Variants in CNTNAP4 observed in about 807,000 individuals in gnomAD.
The protein encoded by CNTNAP4 is contactin associated protein family member 4.
In CNTNAP4, 98 loss-of-function variants were observed where a neutral mutation model predicts 148.4. That is an observed-to-expected ratio of 0.66 (90% CI 0.56 to 0.78). CNTNAP4 has a LOEUF of 0.78. CNTNAP4 is among the 30% of genes least tolerant of loss of function. CNTNAP4 has a pLI of 0.00. For synonymous variants in CNTNAP4, 730 were observed against 565.1 expected (o/e 1.29, Z -4.14); for missense variants, 1,935 against 1,565.6 (o/e 1.24, Z -3.98).
chr16:76,404,101 G>A (rs867817577), intron 3 of CNTNAP4, among the ~76,000 whole-genome samples: 1 of 151,966 alleles, frequency 6.6e-6, no homozygotes, highest in Non-Finnish European at 1.5e-5. Flanking sequence ...GGTACCAGGC[G>A]TAATACGTGG....
chr16:76,477,646 A>T (rs1340651118), intron 11 of CNTNAP4, among the ~76,000 whole-genome samples: 1 of 152,132 alleles, frequency 6.6e-6, no homozygotes, highest in East Asian at 1.9e-4. Context: ...TAAGATTTTT[A>T]TGAAGAATAT....
rs1318388428 is a variant in CNTNAP4 at position 76,397,984 on chromosome 16, A to G, written c.391-29468A>G. 2.2e-4 allele frequency among the ~76,000 whole-genome samples: 15 copies of G among 68,728 alleles called. 2 individuals carry two copies. Among genetic ancestry groups the G allele is most frequent in the East Asian group, 9.2e-4 (2 of 2,176 alleles). The allele number at this position is 68,728 out of a possible 152,430, so 45.1% of individuals were successfully genotyped here. On this transcript the variant is annotated intron_variant, in intron 3 of 23. Transcript: ENST00000611870. ...TATATATATATATATATATATATAT[A>G]TATATATATATATATATGGAGTTTA...
At chr16:76,358,617 G>T (rs1567841231) in intron 3 of CNTNAP4, among the ~76,000 whole-genome samples, 1 of 152,186 alleles carries the variant, frequency 6.6e-6, no homozygotes, top group African/African-American at 2.4e-5. Context: ...GATATCCAGA[G>T]TTATGGTTTC....
intron 21 of CNTNAP4, among the ~76,000 whole-genome samples, chr16:76,548,949 T>G (rs9928928): frequency 6.6e-6 from 1 of 152,004 alleles, no homozygotes; most frequent in Admixed American, 6.5e-5. Flanking sequence ...AGCTGCTAAT[T>G]TTGTTTGGAC....
intron 7 of CNTNAP4, among the ~76,000 whole-genome samples, chr16:76,451,027 G>C (rs985512785): frequency 3.9e-5 from 6 of 152,186 alleles, no homozygotes; most frequent in African/African-American, 1.4e-4. Flanking sequence ...TGTTGCCTGT[G>C]GGTAGCCACC....
At chr16:76,541,446 A>G (rs58602732) in intron 21 of CNTNAP4, among the ~76,000 whole-genome samples, 5,668 of 152,262 alleles carry the variant, frequency 0.037, 321 homozygotes, top group African/African-American at 0.12. Context: ...ATTTTAATAG[A>G]TATTTATTTT....
In CNTNAP4 at chr16:76,427,492, A is replaced by G. The variant is rs942267136; in HGVS notation, c.431A>G (p.Tyr144Cys). 10 of 1,613,090 alleles carry G rather than the reference A, an allele frequency of 6.2e-6. No individual in the cohort carries two copies. Among genetic ancestry groups the G allele is most frequent in the Admixed American group, 3.3e-5 (2 of 59,900 alleles). The change falls in exon 4 of 24, where the codon TAT becomes TGT. Residue 144 changes from tyrosine (Y) to cysteine (C), a missense_variant. Tyr to Cys is a radical substitution (Grantham distance 194). Transcript: ENST00000611870. ...GNANADSVVY[Y>C]RLQPSIKARF... ...GCAAATGCAGACAGTGTTGTGTACT[A>G]TAGACTCCAGCCTTCTATCAAAGCC...
intron 10 of CNTNAP4, among the ~76,000 whole-genome samples, chr16:76,472,929 TG>T (rs1259657995): frequency 6.6e-6 from 1 of 152,110 alleles, no homozygotes; most frequent in Non-Finnish European, 1.5e-5. Context: ...GTAACAAACC[TG>T]CTCATAAGTT....
At chr16:76,452,917 G>A (rs1254020161) in intron 8 of CNTNAP4, 148 bp downstream of exon 8, 4 of 742,498 alleles carry the variant, frequency 5.4e-6, no homozygotes, top group East Asian at 3.1e-5. Flanking sequence ...CTTCCTTAGA[G>A]GAACTTGATT....
At chr16:76,512,042 G>A (rs1015342356) in intron 15 of CNTNAP4, among the ~76,000 whole-genome samples, 2 of 152,070 alleles carry the variant, frequency 1.3e-5, no homozygotes, top group East Asian at 3.8e-4. Context: ...ACCTTTGGAA[G>A]AGTACTCTAC....
At chr16:76,283,002 AC>A (rs998926206) in intron 1 of CNTNAP4, among the ~76,000 whole-genome samples, 2 of 151,222 alleles carry the variant, frequency 1.3e-5, no homozygotes, top group East Asian at 1.9e-4. Flanking sequence ...AAGAAAATAA[AC>A]CCCCCCACCA....
chr16:76,330,466 C>G (rs16944225), intron 2 of CNTNAP4, among the ~76,000 whole-genome samples: 17,087 of 152,232 alleles, frequency 0.11, 1,449 homozygotes, highest in East Asian at 0.33. Context: ...TTATGACTTT[C>G]AACCCCATCT....
At chr16:76,390,390 A>G (rs2016871991) in intron 3 of CNTNAP4, among the ~76,000 whole-genome samples, 1 of 152,026 alleles carries the variant, frequency 6.6e-6, no homozygotes, top group South Asian at 2.1e-4. Context: ...TGGGCTATAC[A>G]TAGAAGATTG....
chr16:76,343,113 T>G (rs1280522020), intron 2 of CNTNAP4, among the ~76,000 whole-genome samples: 1 of 152,052 alleles, frequency 6.6e-6, no homozygotes, highest in Non-Finnish European at 1.5e-5. Context: ...TTTTTTTTTT[T>G]TTGGTCCACC....
rs746117890 is a variant in CNTNAP4, at chr16:76,559,524, TA to T, written c.*849del. ...GTTTTCAACTAAACTGTTGATATATTAAAAAAAATTCTTAACACAGCAAAAA... is the reference window on the plus strand; with the variant it reads ...GTTTTCAACTAAACTGTTGATATATTAAAAAAATTCTTAACACAGCAAAAA... On this transcript the variant is annotated 3_prime_UTR_variant, in exon 24 of 24. Transcript: ENST00000611870. Among the ~76,000 whole-genome samples, 6 of 152,174 alleles carry T rather than the reference TA, an allele frequency of 3.9e-5. No individual in the cohort carries two copies. In the East Asian group the frequency reaches 7.7e-4, roughly 20 times the overall value.
intron 15 of CNTNAP4, among the ~76,000 whole-genome samples, chr16:76,507,385 C>T (rs2082871175): frequency 1.0e-5 from 1 of 97,278 alleles, no homozygotes; most frequent in African/African-American, 2.6e-5. Flanking sequence ...TTCTCTTTGC[C>T]AGCCTCTGGT....
intron 17 of CNTNAP4, among the ~76,000 whole-genome samples, chr16:76,524,531 T>G (rs1227705441): frequency 1.3e-5 from 2 of 152,168 alleles, no homozygotes; most frequent in African/African-American, 4.8e-5. Context: ...CTTCATGAGA[T>G]GGAGTGACTG....
intron 2 of CNTNAP4, among the ~76,000 whole-genome samples, chr16:76,325,658 A>C (rs1367146198): frequency 6.6e-6 from 1 of 152,186 alleles, no homozygotes; most frequent in Non-Finnish European, 1.5e-5. Context: ...TTAATTACAA[A>C]TATGACAAAA....
At chr16:76,512,840 C>T (rs992661666) in intron 15 of CNTNAP4, among the ~76,000 whole-genome samples, 2 of 152,100 alleles carry the variant, frequency 1.3e-5, no homozygotes, top group South Asian at 2.1e-4. Flanking sequence ...AAGTGAAGAA[C>T]GTGTTTCAAG....
Sources: gnomAD v4.1 joint callset for allele counts (sites outside exome capture counted in the v4.1 genomes callset) on GRCh38, gnomAD v4.1.1 for gene constraint, MANE v1.5 for transcripts, NCBI Gene and HGNC (gene_info 2026-07-23, HGNC 2026-07-21) for gene names.